The following GALNT8 variants were observed in gnomAD, a reference collection of about 807,000 sequenced individuals.
GALNT8 encodes the protein polypeptide N-acetylgalactosaminyltransferase 8.
In GALNT8, 66 loss-of-function variants were observed where a neutral mutation model predicts 62.7. The observed-to-expected ratio is 1.05, with a 90% CI of 0.86 to 1.29. The LOEUF is 1.29. Ranked by LOEUF, GALNT8 falls within the 50% of genes most tolerant of loss-of-function variation. GALNT8 has a pLI of 0.00. For missense variants in GALNT8, 771 were observed against 791.8 expected, an observed-to-expected ratio of 0.97 and a Z score of 0.32; for synonymous variants, 288 against 294.3, an observed-to-expected ratio of 0.98 and a Z score of 0.22.
intron 1 of GALNT8, among the ~76,000 whole-genome samples, chr12:4,725,696 C>T (rs1946192120): frequency 6.6e-6 from 1 of 151,834 alleles, no homozygotes; most frequent in Admixed American, 6.6e-5. Context: ...GCTGAGATTA[C>T]AGGCATGCAC....
intron 2 of GALNT8, among the ~76,000 whole-genome samples, chr12:4,736,820 A>G (rs545611390): frequency 2.6e-5 from 4 of 152,292 alleles, no homozygotes; most frequent in South Asian, 4.1e-4. Context: ...ACAAAGATAC[A>G]GGAAAGGGTA....
rs186503466 is a variant in GALNT8 at position 4,760,982 on chromosome 12, G to A, written c.1198G>A (p.Glu400Lys). ...LRVWQCGGKV[E>K]ILPCSRIAHL... The stretch of plus-strand genomic sequence containing the variant: ...GGTGTGGCAGTGTGGAGGGAAGGTC[G>A]AGATTTTGCCCTGTTCCCGGATTGC... Residue 400 changes from glutamate (E) to lysine (K), a missense_variant, in exon 7 of 11, where the codon GAG (glutamate) becomes AAG (lysine). Coordinates refer to ENST00000252318, the MANE Select transcript of GALNT8 (RefSeq NM_017417.2). 15 of 1,613,986 alleles carry A rather than the reference G, an allele frequency of 9.3e-6. No homozygotes were observed. The highest frequency in any genetic ancestry group is 8.3e-5 in the Admixed American group (5 of 59,992).
chr12:4,733,332 G>T (rs1181146670), intron 2 of GALNT8, among the ~76,000 whole-genome samples: 1 of 152,206 alleles, frequency 6.6e-6, no homozygotes, highest in Non-Finnish European at 1.5e-5. Context: ...CAGGGAGGAG[G>T]GAGAGATTAT....
chr12:4,748,985 A>C (rs757369256), intron 6 of GALNT8, among the ~76,000 whole-genome samples: 5 of 151,998 alleles, frequency 3.3e-5, no homozygotes, highest in Non-Finnish European at 7.4e-5. Flanking sequence ...TTGTAAATGG[A>C]ATTACTTTTA....
chr12:4,737,407 A>C (rs1455296774), intron 2 of GALNT8, among the ~76,000 whole-genome samples: 1 of 152,174 alleles, frequency 6.6e-6, no homozygotes, highest in East Asian at 1.9e-4. Context: ...ACCTGTGTAC[A>C]TTTTACCCCC....
In GALNT8 at chr12:4,746,231, A is replaced by C. The variant is rs1286453580; in HGVS notation, c.1146A>C (p.Gly382=). Residue 382 remains glycine (G), a synonymous_variant, in exon 6 of 11, where the codon GGA becomes GGC. Transcript: ENST00000252318. ...GSLDGGMLIY[G]GENVELSLRV... is the part of the protein sequence containing the mutation. The stretch of plus-strand genomic sequence containing the variant: ...TGGATGGTGGAATGCTCATCTATGG[A>C]GGAGAGAACGTGGAGCTTAGCCTGA... 6.2e-7 allele frequency: 1 copy of C among 1,608,376 alleles called. No individual in the cohort carries two copies. Among genetic ancestry groups the C allele is most frequent in the Admixed American group, 1.7e-5 (1 of 60,006 alleles).
intron 6 of GALNT8, among the ~76,000 whole-genome samples, chr12:4,747,793 C>G (rs1946306566): frequency 6.6e-6 from 1 of 152,130 alleles, no homozygotes; most frequent in Non-Finnish European, 1.5e-5. Context: ...GAGGAACCTA[C>G]AAACTGTTCT....
chr12:4,741,543 T>A (rs1229314554), intron 3 of GALNT8, among the ~76,000 whole-genome samples: 2 of 151,960 alleles, frequency 1.3e-5, no homozygotes, highest in Admixed American at 1.3e-4. Flanking sequence ...AGACAAGAGT[T>A]GAGCTGGAAT....
intron 1 of GALNT8, among the ~76,000 whole-genome samples, chr12:4,723,978 G>A (rs1172393107): frequency 6.6e-5 from 10 of 151,196 alleles, no homozygotes; most frequent in South Asian, 2.1e-4. Flanking sequence ...GTGAAACCCC[G>A]TCTCTAGAAA....
At chr12:4,741,020 G>GTT (rs1005520671) in intron 3 of GALNT8, among the ~76,000 whole-genome samples, 4 of 152,178 alleles carry the variant, frequency 2.6e-5, no homozygotes, top group African/African-American at 4.8e-5. Context: ...AAAGAGAGTA[G>GTT]AATTAAGTTA....
At position 4,742,415 on chromosome 12, in the gene GALNT8, A is replaced by G. The variant is rs576145581; in HGVS notation, c.677-2102A>G. Among the ~76,000 whole-genome samples, 126 of 152,360 alleles carry G rather than the reference A, an allele frequency of 8.3e-4. 1 individual carries two copies. In the South Asian group the frequency reaches 0.02, roughly 25 times the overall value. On this transcript the variant is annotated intron_variant, in intron 3 of 10. Coordinates refer to ENST00000252318, the MANE Select transcript of GALNT8 (RefSeq NM_017417.2). ...CTGTATTTTCTCCCTAATTTTAGGA[A>G]AATTTCACAATCAACAACTACATGT...
chr12:4,742,727 G>A (rs1283593122), intron 3 of GALNT8, among the ~76,000 whole-genome samples: 1 of 152,056 alleles, frequency 6.6e-6, no homozygotes, highest in African/African-American at 2.4e-5. Flanking sequence ...TGGGAAACTG[G>A]GTCGGGGTGG....
intron 2 of GALNT8, among the ~76,000 whole-genome samples, chr12:4,731,542 G>A (rs921650818): frequency 1.3e-5 from 2 of 152,138 alleles, no homozygotes; most frequent in South Asian, 2.1e-4. Context: ...ATGTGAGAGC[G>A]AGCATTCTTG....
chr12:4,763,526 C>T (rs1946382514), intron 8 of GALNT8, 136 bp downstream of exon 8: 2 of 702,172 alleles, frequency 2.8e-6, no homozygotes, highest in Admixed American at 2.3e-5. Flanking sequence ...TCGCCCTCAA[C>T]CCTCTCAGTT....
At chr12:4,737,069 A>G (rs1017778359) in intron 2 of GALNT8, among the ~76,000 whole-genome samples, 2 of 152,214 alleles carry the variant, frequency 1.3e-5, no homozygotes, top group African/African-American at 2.4e-5. Flanking sequence ...AAAAAGTACA[A>G]TAATAAAAAT....
chr12:4,769,438 G>A (rs1157617820), intron 10 of GALNT8, among the ~76,000 whole-genome samples: 1 of 152,116 alleles, frequency 6.6e-6, no homozygotes, highest in Non-Finnish European at 1.5e-5. Flanking sequence ...CAGAACATAG[G>A]CCAGGATTAA....
rs1031162122 is a variant in GALNT8, at chr12:4,739,345, A to T, written c.676+16A>T. On this transcript the variant is annotated intron_variant, in intron 3 of 10. Transcript: ENST00000252318. ...AGCTCAAATGGTGAGCAACGTGATC[A>T]AAGAATAATTGTAAAAATGACCACT... The T allele has an allele frequency of 2.5e-6, 4 of 1,606,590 alleles. No homozygotes were observed. In the African/African-American group the frequency reaches 5.3e-5, roughly 21 times the overall value.
chr12:4,754,468 G>C (rs2137537358), intron 6 of GALNT8, among the ~76,000 whole-genome samples: 1 of 152,186 alleles, frequency 6.6e-6, no homozygotes, highest in Non-Finnish European at 1.5e-5. Context: ...AAAGTTAGAG[G>C]CCAGTGCCAC....
At chr12:4,739,138 A>T in intron 2 of GALNT8, 25 bp from the exon 3 acceptor site, 1 of 1,482,708 alleles carries the variant, frequency 6.7e-7, no homozygotes, top group African/African-American at 1.4e-5. Context: ...AAAAAATAAT[A>T]TGTTATAAAA....
Sources: allele counts gnomAD v4.1 joint callset (sites outside exome capture counted in the v4.1 genomes callset), GRCh38; gene constraint gnomAD v4.1.1; transcripts MANE v1.5; gene names NCBI Gene and HGNC (gene_info 2026-07-23, HGNC 2026-07-21).